FRMPD2: variants seen among roughly 807,000 people sequenced by gnomAD.
FRMPD2 encodes FERM and PDZ domain containing 2.
Under a neutral mutation model 140.1 loss-of-function variants are expected in FRMPD2, and 96 were observed. The observed-to-expected ratio is 0.69, with a 90% CI of 0.58 to 0.81. The LOEUF (loss-of-function observed/expected upper bound fraction) is 0.81. FRMPD2 is among the 40% of genes least tolerant of loss of function. The pLI is 0.00. For missense variants in FRMPD2, 1,240 were observed against 1,447.4 expected, an observed-to-expected ratio of 0.86 and a Z score of 2.32; for synonymous variants, 449 against 547.6, an observed-to-expected ratio of 0.82 and a Z score of 2.52.
chr10:48,262,554 A>T (rs1840611274), intron 1 of FRMPD2, among the ~76,000 whole-genome samples: 1 of 152,206 alleles, frequency 6.6e-6, no homozygotes, highest in Non-Finnish European at 1.5e-5. Flanking sequence ...TGGAGACTTC[A>T]GCACCCCTCT....
intron 16 of FRMPD2, among the ~76,000 whole-genome samples, chr10:48,189,565 G>A (rs182832115): frequency 1.0e-3 from 157 of 152,334 alleles, no homozygotes; most frequent in African/African-American, 3.7e-3. Context: ...CAGACCCCAT[G>A]TGGGCCACCT....
At chr10:48,263,124 T>C (rs947287744) in intron 1 of FRMPD2, among the ~76,000 whole-genome samples, 1 of 151,944 alleles carries the variant, frequency 6.6e-6, no homozygotes, top group African/African-American at 2.4e-5. Flanking sequence ...TAAACAAAAA[T>C]GAAAATACAA....
intron 15 of FRMPD2, chr10:48,199,794 T>C (rs931139566): frequency 1.3e-5 from 2 of 152,132 alleles, no homozygotes; most frequent in African/African-American, 4.8e-5. Context: ...ACACAGGAAG[T>C]CCTCCCTTTC....
chr10:48,212,730 C>T (rs1839358696), intron 12 of FRMPD2, among the ~76,000 whole-genome samples: 1 of 152,148 alleles, frequency 6.6e-6, no homozygotes, highest in African/African-American at 2.4e-5. Flanking sequence ...TACCCCCAGC[C>T]CACCTTCATC....
chr10:48,244,815 C>T lies in FRMPD2; in HGVS notation c.344G>A (p.Trp115Ter), dbSNP rs770784854. The T allele has an allele frequency of 1.9e-6, 3 of 1,613,472 alleles. No homozygotes were observed. Among genetic ancestry groups the T allele is most frequent in the Non-Finnish European group, 1.7e-6 (2 of 1,179,448 alleles). The change falls in exon 4 of 29, where the codon TGG (tryptophan) becomes TAG (stop). Residue 115 changes from tryptophan (W) to a stop codon, truncating the protein, a stop_gained. Coordinates refer to ENST00000374201, the MANE Select transcript of FRMPD2 (RefSeq NM_001018071.4). LOFTEE classifies it high-confidence loss of function. ...HVYSLGMTLYWSAGFHVPPHQ... is the reference protein window; with the variant it reads ...HVYSLGMTLY ...TGGCGGAACATGAAACCCTGCTGAC[C>T]AGTAGAGGGTCATTCCTAAAGAATA...
At chr10:48,272,261 C>T (rs1163821975) in intron 1 of FRMPD2, among the ~76,000 whole-genome samples, 1 of 152,200 alleles carries the variant, frequency 6.6e-6, no homozygotes, top group African/African-American at 2.4e-5. Context: ...CTGTATTCTG[C>T]TCCTTAAACC....
chr10:48,253,463 G>C (rs1163366238), intron 1 of FRMPD2, among the ~76,000 whole-genome samples: 1 of 152,112 alleles, frequency 6.6e-6, no homozygotes, highest in African/African-American at 2.4e-5. Context: ...GTTGGATGAC[G>C]TATGGTCTTA....
At chr10:48,192,568 C>A in intron 16 of FRMPD2, 116 bp downstream of exon 16, 1 of 936,160 alleles carries the variant, frequency 1.1e-6, no homozygotes, top group East Asian at 2.6e-5. Flanking sequence ...CCAGCCTGGG[C>A]AACAAGAGCA....
chr10:48,268,139 C>T (rs1270042491), intron 1 of FRMPD2, among the ~76,000 whole-genome samples: 1 of 152,134 alleles, frequency 6.6e-6, no homozygotes, highest in Non-Finnish European at 1.5e-5. Context: ...AGATGTTCAA[C>T]ATCACTGGCC....
intron 1 of FRMPD2, among the ~76,000 whole-genome samples, chr10:48,263,240 C>G (rs948889396): frequency 6.6e-6 from 1 of 151,996 alleles, no homozygotes; most frequent in Admixed American, 6.6e-5. Flanking sequence ...AATAATCTAA[C>G]CTTCCACCTT....
At chr10:48,251,058 C>G (rs1487345708) in intron 2 of FRMPD2, among the ~76,000 whole-genome samples, 3 of 152,144 alleles carry the variant, frequency 2.0e-5, no homozygotes, top group Admixed American at 6.5e-5. Context: ...CCACCTTGGC[C>G]TCCCAAAGTG....
In FRMPD2 at chr10:48,232,524, C is replaced by T. The variant is rs568187106; in HGVS notation, c.994-235G>A. On this transcript the variant is annotated intron_variant, in intron 9 of 28. Coordinates refer to ENST00000374201, the MANE Select transcript of FRMPD2 (RefSeq NM_001018071.4). ...GGCAGGAACTGGACTCAAATCTGAG[C>T]CTTCTGCCAGGCTCAGCAGGGGCCA... 7.7e-4 allele frequency among the ~76,000 whole-genome samples: 118 copies of T among 152,276 alleles called. 2 individuals carry two copies. The highest frequency in any genetic ancestry group is 6.8e-4 in the Non-Finnish European group (46 of 68,018).
At chr10:48,183,898 T>A (rs1007371178) in intron 20 of FRMPD2, among the ~76,000 whole-genome samples, 4 of 141,398 alleles carry the variant, frequency 2.8e-5, no homozygotes, top group Non-Finnish European at 4.6e-5. Context: ...CATTTACAAG[T>A]GGGAGCTAAA....
In FRMPD2 at chr10:48,201,228, C is replaced by A. The variant is rs760743146; in HGVS notation, c.1954G>T (p.Asp652Tyr). 5.6e-6 allele frequency: 9 copies of A among 1,601,764 alleles called. No homozygotes were observed. Among genetic ancestry groups the A allele is most frequent in the Admixed American group, 3.5e-5 (2 of 57,934 alleles). The part of the protein sequence containing the change: ...GSGQPSHVLF[D>Y]HDKFVQMANL... Reference sequence around the variant, plus strand: ...TATGGAGAATACAGCTTCTACTCACCAAATAAAACATGGGAAGGCTGCCCA... The same window carrying A: ...TATGGAGAATACAGCTTCTACTCACAAAATAAAACATGGGAAGGCTGCCCA... Residue 652 changes from aspartate to tyrosine, a missense_variant and splice_region_variant, in exon 15 of 29, where the codon GAC (aspartate) becomes TAC (tyrosine). Physicochemically the swap from Asp to Tyr is radical, Grantham distance 160. This residue lies in a region of FRMPD2 where 1,161 missense variants were observed against 1,055.9 expected (regional missense o/e 1.10). Coordinates refer to ENST00000374201, the MANE Select transcript of FRMPD2 (RefSeq NM_001018071.4).
At chr10:48,270,448 T>C (rs1840747831) in intron 1 of FRMPD2, among the ~76,000 whole-genome samples, 1 of 152,212 alleles carries the variant, frequency 6.6e-6, no homozygotes, top group African/African-American at 2.4e-5. Flanking sequence ...AGATGTATAT[T>C]CAAAGATATT....
At chr10:48,237,894 C>G in intron 8 of FRMPD2, 97 bp downstream of exon 8, 1 of 1,451,670 alleles carries the variant, frequency 6.9e-7, no homozygotes, top group East Asian at 2.3e-5. Flanking sequence ...AAGTTGTCCC[C>G]TAGAAGACCC....
chr10:48,257,346 C>G (rs1770869277), intron 1 of FRMPD2, among the ~76,000 whole-genome samples: 1 of 151,868 alleles, frequency 6.6e-6, no homozygotes, highest in Admixed American at 6.6e-5. Flanking sequence ...GTGGCGTGAT[C>G]TCGGCTCTCT....
intron 1 of FRMPD2, among the ~76,000 whole-genome samples, chr10:48,262,372 G>T (rs1054740167): frequency 3.3e-5 from 5 of 152,156 alleles, no homozygotes; most frequent in African/African-American, 9.7e-5. Flanking sequence ...GCAGACTTCA[G>T]AATAGAGAAA....
Position 48,206,925 on chromosome 10 carries a change from C to T in FRMPD2, c.1620G>A (p.Gln540=), listed in dbSNP as rs746078926. 2 of 1,613,662 alleles carry T rather than the reference C, an allele frequency of 1.2e-6. No individual in the cohort carries two copies. Among genetic ancestry groups the T allele is most frequent in the South Asian group, 2.2e-5 (2 of 91,050 alleles). The part of the protein sequence containing the change: ...DAELKFLRVT[Q]QLPEYGVLVH... ...CCAGCACACCGTATTCTGGGAGCTG[C>T]TGAGTGACCTGGAGCAGAAAAAGGC... Residue 540 remains glutamine, a synonymous_variant, in exon 14 of 29, where the codon CAG becomes CAA. Transcript: ENST00000374201.
Sources: allele counts gnomAD v4.1 joint callset (sites outside exome capture counted in the v4.1 genomes callset), GRCh38; gene constraint gnomAD v4.1.1; regional missense constraint gnomAD v4.1.1; transcripts MANE v1.5; gene names NCBI Gene and HGNC (gene_info 2026-07-23, HGNC 2026-07-21).